Variants in EPHA3 observed in about 807,000 individuals in gnomAD.
The protein encoded by EPHA3 is ephrin type-A receptor 3.
In EPHA3, 42 loss-of-function variants were observed where a neutral mutation model predicts 107.1. The ratio of observed to expected loss-of-function variants is 0.39; its 90% CI spans 0.31 to 0.51. The LOEUF is 0.51. Among genes scored for constraint, EPHA3 ranks in the 20% least tolerant of loss-of-function variants. The probability of loss-of-function intolerance (pLI) is 0.78; values close to 1 mark genes in which losing one functional copy is unlikely to be tolerated. For missense variants in EPHA3, 1,183 were observed against 1,211.2 expected, an observed-to-expected ratio of 0.98 and a Z score of 0.35; for synonymous variants, 461 against 424.8, an observed-to-expected ratio of 1.09 and a Z score of -1.05.
Position 89,449,394 on chromosome 3 carries a change from G to A in EPHA3, c.2496+20G>A, listed in dbSNP as rs2107553798. The A allele has an allele frequency of 6.4e-7, 1 of 1,552,732 alleles. No individual in the cohort carries two copies. Among genetic ancestry groups the A allele is most frequent in the South Asian group, 1.2e-5 (1 of 81,840 alleles). ...CAGGATGTAAGTATTTGTGGTCTATGAGTTATGAGTTCAGATGAAAAGATC... is the reference window on the plus strand; with the variant it reads ...CAGGATGTAAGTATTTGTGGTCTATAAGTTATGAGTTCAGATGAAAAGATC... On this transcript the variant is annotated intron_variant, in intron 14 of 16. Transcript: ENST00000336596.
intron 2 of EPHA3, among the ~76,000 whole-genome samples, chr3:89,170,204 A>G (rs1160094227): frequency 1.3e-5 from 2 of 151,714 alleles, no homozygotes; most frequent in Non-Finnish European, 2.9e-5. Context: ...TACAGTGAGC[A>G]GAGATCGCGC....
At chr3:89,432,040 ATTG>A (rs1709578801) in intron 13 of EPHA3, among the ~76,000 whole-genome samples, 3 of 152,048 alleles carry the variant, frequency 2.0e-5, no homozygotes, top group African/African-American at 7.2e-5. Flanking sequence ...TGTATTCTAT[ATTG>A]TTGTATCTTT....
chr3:89,187,714 A>G (rs1705604251), intron 2 of EPHA3, among the ~76,000 whole-genome samples: 1 of 152,128 alleles, frequency 6.6e-6, no homozygotes, highest in Non-Finnish European at 1.5e-5. Flanking sequence ...GAGTGTGTGT[A>G]TGTATACAAG....
At chr3:89,434,963 G>A (rs180734003) in intron 13 of EPHA3, among the ~76,000 whole-genome samples, 299 of 152,040 alleles carry the variant, frequency 2.0e-3, no homozygotes, top group African/African-American at 7.0e-3. Flanking sequence ...TTGCATGTGC[G>A]TTTCTAGAGT....
intron 3 of EPHA3, among the ~76,000 whole-genome samples, chr3:89,278,730 T>C (rs1705870235): frequency 6.6e-6 from 1 of 152,226 alleles, no homozygotes; most frequent in South Asian, 2.1e-4. Context: ...TTTGTATATA[T>C]AAGCTATCAA....
At chr3:89,215,675 C>A (rs1297728053) in intron 3 of EPHA3, among the ~76,000 whole-genome samples, 2 of 151,816 alleles carry the variant, frequency 1.3e-5, no homozygotes, top group Non-Finnish European at 3.0e-5. Flanking sequence ...TTAAAAATCA[C>A]AAGAAGTTCC....
chr3:89,282,518 A>G (rs1383749668), intron 3 of EPHA3, among the ~76,000 whole-genome samples: 1 of 151,898 alleles, frequency 6.6e-6, no homozygotes, highest in Non-Finnish European at 1.5e-5. Flanking sequence ...TCATCTTCCT[A>G]CACATGGAAG....
At chr3:89,281,514 C>T (rs538966331) in intron 3 of EPHA3, among the ~76,000 whole-genome samples, 4 of 152,198 alleles carry the variant, frequency 2.6e-5, no homozygotes, top group South Asian at 2.1e-4. Context: ...AAAATATTAA[C>T]CAAAGATGCA....
chr3:89,323,318 C>T (rs1292752512), intron 3 of EPHA3, among the ~76,000 whole-genome samples: 4 of 152,050 alleles, frequency 2.6e-5, no homozygotes, highest in Admixed American at 6.6e-5. Flanking sequence ...TTTTCACTAT[C>T]CCCATTTTAC....
At chr3:89,156,592 A>G (rs183926024) in intron 2 of EPHA3, among the ~76,000 whole-genome samples, 1 of 152,146 alleles carries the variant, frequency 6.6e-6, no homozygotes, top group Admixed American at 6.6e-5. Flanking sequence ...ACTGTTAGGT[A>G]AAACTTAAGG....
chr3:89,413,488 T>C (rs1709193312), intron 10 of EPHA3, among the ~76,000 whole-genome samples: 1 of 151,812 alleles, frequency 6.6e-6, no homozygotes, highest in South Asian at 2.1e-4. Flanking sequence ...AAATTTCTGA[T>C]GTGACAGCAG....
chr3:89,466,829 C>T (rs1389438188), intron 15 of EPHA3, among the ~76,000 whole-genome samples: 1 of 98,000 alleles, frequency 1.0e-5, no homozygotes, highest in South Asian at 2.4e-4. Context: ...CGGAGCTGTT[C>T]CTATTCGGCC....
intron 3 of EPHA3, among the ~76,000 whole-genome samples, chr3:89,258,109 T>A (rs1312953128): frequency 6.6e-6 from 1 of 152,206 alleles, no homozygotes; most frequent in Non-Finnish European, 1.5e-5. Context: ...ATTACTTATC[T>A]CATGTTCTTG....
At chr3:89,241,296 T>C (rs2107244225) in intron 3 of EPHA3, among the ~76,000 whole-genome samples, 1 of 152,302 alleles carries the variant, frequency 6.6e-6, no homozygotes, top group Non-Finnish European at 1.5e-5. Flanking sequence ...CACCAATCAG[T>C]AAATCAGCCA....
At chr3:89,145,949 G>C (rs1433193961) in intron 2 of EPHA3, among the ~76,000 whole-genome samples, 2 of 151,836 alleles carry the variant, frequency 1.3e-5, no homozygotes, top group Admixed American at 1.3e-4. Flanking sequence ...AAAATGAGAT[G>C]TAGTGTTAAA....
At chr3:89,329,768 A>G (rs545448198) in intron 3 of EPHA3, among the ~76,000 whole-genome samples, 2 of 152,156 alleles carry the variant, frequency 1.3e-5, no homozygotes, top group South Asian at 4.1e-4. Flanking sequence ...ATACTACTAT[A>G]TATTGCTGTG....
At chr3:89,127,917 T>G (rs1379309737) in intron 2 of EPHA3, among the ~76,000 whole-genome samples, 1 of 152,090 alleles carries the variant, frequency 6.6e-6, no homozygotes, top group East Asian at 1.9e-4. Context: ...ATGAGGCTTT[T>G]ATGGGAGAAC....
chr3:89,186,757 C>T (rs767688028), intron 2 of EPHA3, among the ~76,000 whole-genome samples: 8 of 151,952 alleles, frequency 5.3e-5, no homozygotes, highest in Non-Finnish European at 1.2e-4. Context: ...AGGTAAATGA[C>T]AATAGAAAAA....
At chr3:89,442,218 G>A (rs1333561156) in intron 13 of EPHA3, among the ~76,000 whole-genome samples, 1 of 151,934 alleles carries the variant, frequency 6.6e-6, no homozygotes, top group Admixed American at 6.6e-5. Context: ...ATTCCAGAAG[G>A]GATATTATTA....
Sources: gnomAD v4.1 joint callset for allele counts (sites outside exome capture counted in the v4.1 genomes callset) on GRCh38, gnomAD v4.1.1 for gene constraint, MANE v1.5 for transcripts, NCBI Gene and HGNC (gene_info 2026-07-23, HGNC 2026-07-21) for gene names.